PCDH17: variants seen among roughly 807,000 people sequenced by gnomAD.
PCDH17 encodes the protein protocadherin 17.
Under a neutral mutation model 67.7 loss-of-function variants are expected in PCDH17, and 21 were observed. The observed-to-expected ratio is 0.31, with a 90% confidence interval of 0.22 to 0.45. PCDH17 has a LOEUF of 0.45. Among genes scored for constraint, PCDH17 ranks in the 20% least tolerant of loss-of-function variants. The probability of loss-of-function intolerance (pLI) is 1.00; values close to 1 mark genes in which losing one functional copy is unlikely to be tolerated. For synonymous variants in PCDH17, 701 were observed against 656.7 expected (o/e 1.07, Z -1.03); for missense variants, 1,471 against 1,564.8 (o/e 0.94, Z 1.01).
chr13:57,657,995 A>C (rs554789516), intron 1 of PCDH17, among the ~76,000 whole-genome samples: 54 of 152,314 alleles, frequency 3.5e-4, no homozygotes, highest in African/African-American at 1.3e-3. Context: ...TAATACACCT[A>C]GAATTAAAAA....
intron 3 of PCDH17, among the ~76,000 whole-genome samples, chr13:57,720,740 T>C (rs906109441): frequency 3.3e-5 from 5 of 152,044 alleles, no homozygotes; most frequent in African/African-American, 1.2e-4. Flanking sequence ...GTATACAATA[T>C]GAATATGTGT....
chr13:57,679,700 C>T (rs1955430326), intron 3 of PCDH17, among the ~76,000 whole-genome samples: 2 of 150,992 alleles, frequency 1.3e-5, no homozygotes, highest in South Asian at 2.1e-4. Context: ...TTTGAATTAC[C>T]GTGTTCATTA....
chr13:57,722,987 AT>A (rs1857375301), intron 3 of PCDH17, among the ~76,000 whole-genome samples: 1 of 152,210 alleles, frequency 6.6e-6, no homozygotes, highest in Non-Finnish European at 1.5e-5. Context: ...CTGAAAAAAA[AT>A]AATGCCTAGT....
At chr13:57,662,944 A>G (rs1955201318) in intron 1 of PCDH17, among the ~76,000 whole-genome samples, 1 of 152,134 alleles carries the variant, frequency 6.6e-6, no homozygotes, top group African/African-American at 2.4e-5. Flanking sequence ...TACCTTTAAC[A>G]CACAAAGAAA....
intron 3 of PCDH17, among the ~76,000 whole-genome samples, chr13:57,691,357 T>C (rs907342906): frequency 1.3e-5 from 2 of 151,244 alleles, no homozygotes; most frequent in African/African-American, 4.8e-5. Context: ...AGGGACACTT[T>C]TAAGTCTTTC....
At chr13:57,684,457 CT>C (rs547901183) in intron 3 of PCDH17, among the ~76,000 whole-genome samples, 210 of 151,962 alleles carry the variant, frequency 1.4e-3, no homozygotes, top group African/African-American at 4.8e-3. Flanking sequence ...CAAATGTACT[CT>C]AATTGTGCCT....
At chr13:57,717,677 T>C (rs965269067) in intron 3 of PCDH17, among the ~76,000 whole-genome samples, 13 of 151,986 alleles carry the variant, frequency 8.6e-5, no homozygotes, top group African/African-American at 2.9e-4. Flanking sequence ...TGCTAGAGGA[T>C]TGGTACTTCA....
chr13:57,657,560 G>A (rs1486792443), intron 1 of PCDH17, among the ~76,000 whole-genome samples: 1 of 152,198 alleles, frequency 6.6e-6, no homozygotes, highest in African/African-American at 2.4e-5. Context: ...GCTATCAGAA[G>A]CAATGTCGGT....
chr13:57,667,496 A>G (rs1955268506), intron 3 of PCDH17, among the ~76,000 whole-genome samples: 1 of 152,014 alleles, frequency 6.6e-6, no homozygotes, highest in Non-Finnish European at 1.5e-5. Flanking sequence ...ATGTTTGCTA[A>G]TGATTCATCC....
chr13:57,645,697 G>A (rs1264770382), intron 1 of PCDH17, among the ~76,000 whole-genome samples: 1 of 150,446 alleles, frequency 6.6e-6, no homozygotes, highest in African/African-American at 2.4e-5. Context: ...AATTGTATAT[G>A]GTATATATAA....
chr13:57,681,180 A>G (rs1365188331), intron 3 of PCDH17, among the ~76,000 whole-genome samples: 1 of 151,678 alleles, frequency 6.6e-6, no homozygotes, highest in Admixed American at 6.6e-5. Context: ...TGTCTGTCTC[A>G]TGCCATGTCT....
Position 57,675,497 on chromosome 13 carries a change from T to A in PCDH17, c.2797+8664T>A, listed in dbSNP as rs149287292. On this transcript the variant is annotated intron_variant, in intron 3 of 3. Transcript: ENST00000377918. ...ACTATGAGGTCAGTGCAGTAAGACA[T>A]GTCCACAAAATTCATGTAGAATGAA... 2.6e-5 allele frequency among the ~76,000 whole-genome samples: 4 copies of A among 152,048 alleles called. No individual in the cohort carries two copies. In the East Asian group the frequency reaches 5.8e-4, roughly 22 times the overall value.
Position 57,632,925 on chromosome 13 carries a change from G to T in PCDH17, c.379G>T (p.Asp127Tyr). 1.2e-6 allele frequency: 2 copies of T among 1,614,058 alleles called. No individual in the cohort carries two copies. The highest frequency in any genetic ancestry group is 1.7e-6 in the Non-Finnish European group (2 of 1,180,028). ...CAAGGTAGAGATCCAGGACATCAAC[G>T]ACAACGCGCCCTCCTTCTCCTCGGA... ...MIKVEIQDIN[D>Y]NAPSFSSDQI... The change falls in exon 1 of 4, where the codon GAC (aspartate) becomes TAC (tyrosine). Residue 127 changes from aspartate (D) to tyrosine (Y), a missense_variant. Asp to Tyr is a radical substitution (Grantham distance 160). Around this residue, in one of 3 missense-constraint regions of PCDH17, gnomAD observed 1,163 missense variants for 1,230.0 expected, o/e 0.95. Coordinates refer to ENST00000377918, the MANE Select transcript of PCDH17 (RefSeq NM_001040429.3).
intron 1 of PCDH17, among the ~76,000 whole-genome samples, chr13:57,647,824 C>T (rs1022668365): frequency 6.6e-6 from 1 of 151,694 alleles, no homozygotes; most frequent in African/African-American, 2.4e-5. Context: ...AAGATATAGT[C>T]GAGATAAAAT....
chr13:57,710,038 AATT>A (rs556900535), intron 3 of PCDH17, among the ~76,000 whole-genome samples: 28 of 152,024 alleles, frequency 1.8e-4, no homozygotes, highest in African/African-American at 6.7e-4. Context: ...GCCAAATCTT[AATT>A]ATTTCATATT....
chr13:57,670,582 T>G (rs1030108863), intron 3 of PCDH17, among the ~76,000 whole-genome samples: 1 of 149,924 alleles, frequency 6.7e-6, no homozygotes, highest in African/African-American at 2.4e-5. Flanking sequence ...ATATATATAT[T>G]TTTTCCAATT....
chr13:57,710,302 A>G (rs1955763849), intron 3 of PCDH17, among the ~76,000 whole-genome samples: 1 of 151,878 alleles, frequency 6.6e-6, no homozygotes, highest in Non-Finnish European at 1.5e-5. Flanking sequence ...TACTTTGTGA[A>G]AATACGTTAA....
intron 3 of PCDH17, among the ~76,000 whole-genome samples, chr13:57,712,377 T>A (rs549524695): frequency 9.2e-5 from 14 of 151,880 alleles, no homozygotes; most frequent in African/African-American, 3.4e-4. Context: ...GATTGACTTA[T>A]GAATTATATT....
At chr13:57,713,792 T>G (rs905920229) in intron 3 of PCDH17, among the ~76,000 whole-genome samples, 12 of 151,758 alleles carry the variant, frequency 7.9e-5, no homozygotes, top group African/African-American at 2.6e-4. Context: ...TTTTTACATT[T>G]TTGTTATATA....
Sources: allele counts gnomAD v4.1 joint callset (sites outside exome capture counted in the v4.1 genomes callset), GRCh38; gene constraint gnomAD v4.1.1; regional missense constraint gnomAD v4.1.1; transcripts MANE v1.5; gene names NCBI Gene and HGNC (gene_info 2026-07-23, HGNC 2026-07-21).